The following OR51B5 variants were observed in gnomAD, a reference collection of about 807,000 sequenced individuals.
The protein encoded by OR51B5 is olfactory receptor family 51 subfamily B member 5, also known as olfactory receptor 51B5.
For synonymous variants in OR51B5, 186 were observed against 144.8 expected, an observed-to-expected ratio of 1.28 and a Z score of -2.04; for missense variants, 456 against 374.6, an observed-to-expected ratio of 1.22 and a Z score of -1.79.
At chr11:5,406,175 A>C (rs911524531) in intron 1 of OR51B5, among the ~76,000 whole-genome samples, 2 of 152,196 alleles carry the variant, frequency 1.3e-5, no homozygotes, top group Admixed American at 1.3e-4. Flanking sequence ...CAGCCTTCTT[A>C]AATATTATTG....
At chr11:5,487,223 T>C (rs1851510736) in intron 1 of OR51B5, among the ~76,000 whole-genome samples, 1 of 152,186 alleles carries the variant, frequency 6.6e-6, no homozygotes, top group Admixed American at 6.5e-5. Flanking sequence ...AAATGATAAC[T>C]GTACTCTCTT....
At chr11:5,476,529 C>T (rs1159458165) in intron 1 of OR51B5, among the ~76,000 whole-genome samples, 2 of 152,180 alleles carry the variant, frequency 1.3e-5, no homozygotes, top group Non-Finnish European at 2.9e-5. Context: ...GAATGAGCCT[C>T]CTTTGTGACT....
At position 5,354,261 on chromosome 11, in the gene OR51B5, G is replaced by T. The variant is rs371791032; in HGVS notation, n.85-7351C>A. 2.6e-5 allele frequency among the ~76,000 whole-genome samples: 4 copies of T among 152,130 alleles called. No individual in the cohort carries two copies. The East Asian group carries it at 5.8e-4, about 22-fold the overall frequency. ...GGGCTTTTGGGAATGAATTCAGGGG[G>T]ATCTAAGCCACATCAAAGAAAATCT... is the stretch of plus-strand genomic sequence containing the variant. On this transcript the variant is annotated intron_variant and non_coding_transcript_variant, in intron 1 of 4. Transcript: ENST00000415970.
chr11:5,468,549 A>G, intron 1 of OR51B5: 1 of 402,860 alleles, frequency 2.5e-6, no homozygotes, highest in African/African-American at 2.0e-5. Flanking sequence ...TCTTGATGGA[A>G]TAGATAATTG....
chr11:5,474,688 C>T (rs1314712124), intron 1 of OR51B5, among the ~76,000 whole-genome samples: 3 of 152,152 alleles, frequency 2.0e-5, no homozygotes, highest in Non-Finnish European at 4.4e-5. Flanking sequence ...TTCTATTTCT[C>T]ATTGGAAATT....
At chr11:5,382,920 C>T (rs552035849) in intron 1 of OR51B5, among the ~76,000 whole-genome samples, 2 of 152,262 alleles carry the variant, frequency 1.3e-5, no homozygotes, top group African/African-American at 4.8e-5. Context: ...TCTAATCAAC[C>T]ATGCCCTATT....
intron 1 of OR51B5, among the ~76,000 whole-genome samples, chr11:5,409,599 T>G (rs539147944): frequency 2.0e-5 from 3 of 151,628 alleles, no homozygotes; most frequent in Admixed American, 2.0e-4. Flanking sequence ...TCAATAGAAA[T>G]AGCCAAATGA....
intron 1 of OR51B5, chr11:5,422,734 C>T: frequency 6.2e-7 from 1 of 1,614,038 alleles, no homozygotes; most frequent in Admixed American, 1.7e-5. Flanking sequence ...TTCTCTCTCG[C>T]TCCTATTGCC....
chr11:5,480,851 T>C (rs1851408109), intron 1 of OR51B5, among the ~76,000 whole-genome samples: 1 of 102,364 alleles, frequency 9.8e-6, no homozygotes, highest in East Asian at 2.8e-4. Context: ...GGAGCTGAAA[T>C]TGTGGCAATA....
intron 1 of OR51B5, among the ~76,000 whole-genome samples, chr11:5,452,322 G>A (rs1041959064): frequency 1.3e-5 from 2 of 151,814 alleles, no homozygotes; most frequent in Admixed American, 1.3e-4. Flanking sequence ...GGCTAACACG[G>A]TGAAACCCCG....
chr11:5,350,690 A>T (rs1213467098), intron 1 of OR51B5, among the ~76,000 whole-genome samples: 1 of 152,218 alleles, frequency 6.6e-6, no homozygotes, highest in Non-Finnish European at 1.5e-5. Flanking sequence ...ATTATCAATT[A>T]GTGCCTTCAA....
At chr11:5,376,355 A>G (rs1163857324) in intron 1 of OR51B5, among the ~76,000 whole-genome samples, 1 of 152,218 alleles carries the variant, frequency 6.6e-6, no homozygotes, top group Non-Finnish European at 1.5e-5. Flanking sequence ...CCACAAGAGA[A>G]AGCAAGAAAG....
At chr11:5,380,515 A>G (rs972744118) in intron 1 of OR51B5, among the ~76,000 whole-genome samples, 2 of 152,090 alleles carry the variant, frequency 1.3e-5, no homozygotes, top group Admixed American at 1.3e-4. Flanking sequence ...ACCTAAAAAG[A>G]GTCTGTTGTG....
chr11:5,422,343 T>C lies in OR51B5; in HGVS notation n.85-75433A>G, dbSNP rs771287804. The C allele has an allele frequency of 3.7e-6, 6 of 1,614,158 alleles. No individual in the cohort carries two copies. The South Asian group carries it at 6.6e-5, about 18-fold the overall frequency. ...TCCATCATGGGCAATACCACCATCC[T>C]CACTGTCATTCGCACAGAGCCATCT... On this transcript the variant is annotated intron_variant and non_coding_transcript_variant, in intron 1 of 4. Transcript: ENST00000415970.
chr11:5,354,452 A>T (rs1849155131), intron 1 of OR51B5, among the ~76,000 whole-genome samples: 3 of 151,036 alleles, frequency 2.0e-5, no homozygotes, highest in Admixed American at 2.0e-4. Flanking sequence ...TACTGAAGAG[A>T]TGTGATGAAG....
At chr11:5,346,334 C>T (rs1165488752), upstream of OR51B5, 1 of 152,066 alleles carries the variant, frequency 6.6e-6, no homozygotes, top group African/African-American at 2.4e-5. Context: ...GTGTCCTCAG[C>T]TAGTCGTGGC....
In OR51B5 at chr11:5,371,604, C is replaced by T. The variant is rs375383948; in HGVS notation, n.85-24694G>A. On this transcript the variant is annotated intron_variant and non_coding_transcript_variant, in intron 1 of 4. Transcript: ENST00000415970. Reference sequence around the variant, plus strand: ...AATTAGGAAACAGAAATTTGACTTGCTTCAGATAAAAGCTTTTAAAATATT... The same window carrying T: ...AATTAGGAAACAGAAATTTGACTTGTTTCAGATAAAAGCTTTTAAAATATT... Among the ~76,000 whole-genome samples the T allele has an allele frequency of 2.3e-4, 35 of 152,220 alleles. No homozygotes were observed. The South Asian group carries it at 3.7e-3, about 16-fold the overall frequency.
At chr11:5,355,258 C>T (rs953524294) in intron 1 of OR51B5, 5 of 173,946 alleles carry the variant, frequency 2.9e-5, no homozygotes, top group Non-Finnish European at 6.0e-5. Flanking sequence ...AGAAAAGTTA[C>T]CATTATTATA....
At chr11:5,355,984 C>G (rs958928020) in intron 1 of OR51B5, among the ~76,000 whole-genome samples, 17 of 151,548 alleles carry the variant, frequency 1.1e-4, no homozygotes, top group African/African-American at 4.1e-4. Context: ...TGTACGTCAC[C>G]ATCATCAAAG....
Sources: allele counts gnomAD v4.1 joint callset (sites outside exome capture counted in the v4.1 genomes callset), GRCh38; gene constraint gnomAD v4.1.1; transcripts MANE v1.5; gene names NCBI Gene and HGNC (gene_info 2026-07-23, HGNC 2026-07-21).